CACNA2D2: variants seen among roughly 807,000 people sequenced by gnomAD.
CACNA2D2 encodes voltage-dependent calcium channel subunit alpha-2/delta-2.
A neutral mutation model predicts 166.4 loss-of-function variants in CACNA2D2; 48 were observed. The observed-to-expected ratio is 0.29, with a 90% confidence interval of 0.23 to 0.37. CACNA2D2 has a LOEUF of 0.37. CACNA2D2 is among the 10% of genes least tolerant of loss of function. The pLI is 1.00. For missense variants in CACNA2D2, 1,122 were observed against 1,433.0 expected, an observed-to-expected ratio of 0.78 and a Z score of 3.50; for synonymous variants, 561 against 573.7, an observed-to-expected ratio of 0.98 and a Z score of 0.32.
rs1421945396 is a variant in CACNA2D2 at position 50,366,788 on chromosome 3, G to A, written c.2589+43C>T. The stretch of plus-strand genomic sequence containing the variant: ...TGGTGGGGGTTCCAGGGGACTCCAG[G>A]AAGGGCACTGCTGGGTTACTGCCCC... On this transcript the variant is annotated intron_variant, in intron 29 of 37. Coordinates refer to ENST00000424201, the MANE Select transcript of CACNA2D2 (RefSeq NM_006030.4). This position sits in a 1 kb window ranked among gnomAD's most constrained non-coding sequence, Gnocchi z 5.9. 1 of 1,592,978 alleles carries A rather than the reference G, an allele frequency of 6.3e-7. No individual in the cohort carries two copies. The highest frequency in any genetic ancestry group is 1.3e-5 in the African/African-American group (1 of 74,458).
intron 5 of CACNA2D2, among the ~76,000 whole-genome samples, chr3:50,384,620 C>A (rs1256325427): frequency 6.6e-6 from 1 of 150,708 alleles, no homozygotes; most frequent in African/African-American, 2.4e-5. Flanking sequence ...AGGAAACCAA[C>A]CTCTTCTCCA....
chr3:50,465,909 G>A (rs1452362981), intron 2 of CACNA2D2, among the ~76,000 whole-genome samples: 2 of 152,176 alleles, frequency 1.3e-5, no homozygotes, highest in Non-Finnish European at 2.9e-5. Flanking sequence ...GGATCCAAGT[G>A]CACTGGAGAA....
Position 50,476,159 on chromosome 3 carries a change from C to A in CACNA2D2, c.247G>T (p.Gly83Cys), listed in dbSNP as rs775944051. The A allele has an allele frequency of 1.2e-6, 2 of 1,602,052 alleles. No individual in the cohort carries two copies. Among genetic ancestry groups the A allele is most frequent in the East Asian group, 2.2e-5 (1 of 44,494 alleles). The change falls in exon 2 of 38, where the codon GGC becomes TGC. Residue 83 changes from glycine (G) to cysteine (C), a missense_variant. Gly to Cys is a radical substitution (Grantham distance 159). This residue lies in a region of CACNA2D2 where 840 missense variants were observed against 1,166.8 expected (regional missense o/e 0.72). Coordinates refer to ENST00000424201, the MANE Select transcript of CACNA2D2 (RefSeq NM_006030.4). ...ACGCCTCCAAAAATCCGCATCACGC[C>A]GTCGACCTCCTGCTCCAGACGCCGG... ...WARRLEQEVD[G>C]VMRIFGGVQQ...
Position 50,365,307 on chromosome 3 carries a change from C to A in CACNA2D2, c.3098+49G>T, listed in dbSNP as rs372572141. ...TTCCATCCTCCCGAGCGTCTCGCCC[C>A]GCTCACAGGTTCCGCCCTTGGCCTC... On this transcript the variant is annotated intron_variant, in intron 35 of 37. Transcript: ENST00000424201. This position sits in a 1 kb window ranked among gnomAD's most constrained non-coding sequence, Gnocchi z 4.5. 2 of 1,604,252 alleles carry A rather than the reference C, an allele frequency of 1.2e-6. No individual in the cohort carries two copies. Among genetic ancestry groups the A allele is most frequent in the East Asian group, 2.2e-5 (1 of 44,590 alleles).
chr3:50,463,201 A>C (rs1338438027), intron 2 of CACNA2D2, among the ~76,000 whole-genome samples: 1 of 152,224 alleles, frequency 6.6e-6, no homozygotes, highest in Non-Finnish European at 1.5e-5. Flanking sequence ...AGTTGGCAAT[A>C]ATCACAAAGC....
chr3:50,366,017 G>A lies in CACNA2D2; in HGVS notation c.2856C>T (p.Val952=), dbSNP rs781590333. The A allele has an allele frequency of 1.2e-6, 2 of 1,612,244 alleles. No individual in the cohort carries two copies. Among genetic ancestry groups the A allele is most frequent in the East Asian group, 2.2e-5 (1 of 44,888 alleles). The change falls in exon 32 of 38, where the codon GTC becomes GTT. Residue 952 remains valine (V), a synonymous_variant. Coordinates refer to ENST00000424201, the MANE Select transcript of CACNA2D2 (RefSeq NM_006030.4). This position sits in a 1 kb window ranked among gnomAD's most constrained non-coding sequence, Gnocchi z 5.9. ...GGCATCTCTGGGGACTCACCACAAA[G>A]ACACCCCGGGGTGCAGCACCCAGGT... The part of the protein sequence containing the change: ...PGNLGAAPRG[V]FVPTVADFLN...
rs1013470323 is a variant in CACNA2D2, at chr3:50,387,735, C to A, written c.466-123G>T. ...TGGGGCAGAGACTGTCCCTTTCCCC[C>A]ACCCAGAGCCCCCCTCCTGGAAGGG... On this transcript the variant is annotated intron_variant, in intron 4 of 37. Transcript: ENST00000424201. 5 of 745,178 alleles carry A rather than the reference C, an allele frequency of 6.7e-6. No homozygotes were observed. In the South Asian group the frequency reaches 7.2e-5, roughly 11 times the overall value. 46.2% of individuals were successfully genotyped at this position (745,178 alleles called of 1,614,324 possible). A position where few individuals can be genotyped will look rare whatever the true frequency, so the allele number is the denominator to read the frequency against.
chr3:50,486,585 G>A (rs531984149), intron 1 of CACNA2D2, among the ~76,000 whole-genome samples: 22 of 152,260 alleles, frequency 1.4e-4, no homozygotes, highest in South Asian at 6.2e-4. Flanking sequence ...GAGGCCAAGC[G>A]AAGACAGAAC....
At chr3:50,383,925 C>T (rs1398398353) in intron 6 of CACNA2D2, among the ~76,000 whole-genome samples, 1 of 152,170 alleles carries the variant, frequency 6.6e-6, no homozygotes. Context: ...TGTGTGGGTG[C>T]CTGTGGACAC....
At chr3:50,395,405 A>G (rs1478099337) in intron 3 of CACNA2D2, among the ~76,000 whole-genome samples, 4 of 152,088 alleles carry the variant, frequency 2.6e-5, no homozygotes, top group Admixed American at 1.3e-4. Context: ...ACCAAGATCC[A>G]AGGACCAGCC....
chr3:50,397,189 G>A (rs564512322), intron 3 of CACNA2D2, among the ~76,000 whole-genome samples: 3 of 152,358 alleles, frequency 2.0e-5, no homozygotes, highest in Admixed American at 2.0e-4. Context: ...TGGGCTCAAA[G>A]GCTGGGTCAG....
chr3:50,483,074 C>T (rs1315718795), intron 1 of CACNA2D2, among the ~76,000 whole-genome samples: 4 of 152,204 alleles, frequency 2.6e-5, no homozygotes, highest in African/African-American at 9.6e-5. Context: ...GGGAAGCATG[C>T]TTGCTCAGCT....
intron 2 of CACNA2D2, among the ~76,000 whole-genome samples, chr3:50,468,228 G>C (rs1334032993): frequency 6.6e-6 from 1 of 152,228 alleles, no homozygotes. Flanking sequence ...TCCCTTTTCA[G>C]AGATGGATGC....
At chr3:50,381,235 T>A in intron 6 of CACNA2D2, 109 bp from the exon 7 acceptor site, 1 of 1,347,110 alleles carries the variant, frequency 7.4e-7, no homozygotes, top group South Asian at 1.3e-5. Context: ...CCAACTGTTC[T>A]CGGCCTATCC....
At chr3:50,433,310 C>T (rs1708154999) in intron 3 of CACNA2D2, among the ~76,000 whole-genome samples, 1 of 152,052 alleles carries the variant, frequency 6.6e-6, no homozygotes, top group African/African-American at 2.4e-5. Context: ...TGGGTTCATC[C>T]ATGTTGTAGC....
chr3:50,364,627 CG>C lies in CACNA2D2; in HGVS notation c.*38del. Reference sequence around the variant, plus strand: ...AGGAGGGTGGGAAAGGCGAAGAGGCCGGGTGAGGTGGGAGTGGAGGTGGGGT... The same window carrying C: ...AGGAGGGTGGGAAAGGCGAAGAGGCCGGTGAGGTGGGAGTGGAGGTGGGGT... On this transcript the variant is annotated 3_prime_UTR_variant, in exon 38 of 38. Coordinates refer to ENST00000424201, the MANE Select transcript of CACNA2D2 (RefSeq NM_006030.4). 6.8e-7 allele frequency: 1 copy of C among 1,466,960 alleles called. No homozygotes were observed. Among genetic ancestry groups the C allele is most frequent in the Non-Finnish European group, 9.0e-7 (1 of 1,109,480 alleles). The allele number at this position is 1,466,960 out of a possible 1,614,324, so 90.9% of individuals were successfully genotyped here. A position where few individuals can be genotyped will look rare whatever the true frequency, so the allele number is the denominator to read the frequency against.
At chr3:50,391,957 G>A (rs1420085702) in intron 4 of CACNA2D2, among the ~76,000 whole-genome samples, 1 of 152,224 alleles carries the variant, frequency 6.6e-6, no homozygotes, top group Admixed American at 6.5e-5. Flanking sequence ...GCTAGAAAAG[G>A]GAGTCCTGGG....
At chr3:50,413,016 G>A (rs2106807565) in intron 3 of CACNA2D2, among the ~76,000 whole-genome samples, 1 of 152,350 alleles carries the variant, frequency 6.6e-6, no homozygotes, top group South Asian at 2.1e-4. Flanking sequence ...GCACGAGGGT[G>A]GACCCTCCCC....
At chr3:50,479,803 A>G (rs1697967884) in intron 1 of CACNA2D2, among the ~76,000 whole-genome samples, 1 of 152,162 alleles carries the variant, frequency 6.6e-6, no homozygotes, top group African/African-American at 2.4e-5. Context: ...GGCTCAGCCA[A>G]TGCCTCCCTG....
Sources: allele counts gnomAD v4.1 joint callset (sites outside exome capture counted in the v4.1 genomes callset), GRCh38; gene constraint gnomAD v4.1.1; regional missense constraint gnomAD v4.1.1; non-coding constraint Gnocchi (gnomAD v3.1); transcripts MANE v1.5; gene names NCBI Gene and HGNC (gene_info 2026-07-23, HGNC 2026-07-21).